The following UST variants were observed in gnomAD, a reference collection of about 807,000 sequenced individuals.
UST encodes uronyl 2-sulfotransferase, also known as chondroitin sulfate 2-O-sulfotransferase.
UST carries 21 observed loss-of-function variants against 45.6 expected under a neutral mutation model. That is an observed-to-expected ratio of 0.46 (90% CI 0.33 to 0.66). UST has a LOEUF of 0.66. Ranked by LOEUF, UST falls within the 30% of genes least tolerant of loss-of-function variation. The probability of loss-of-function intolerance (pLI) is 0.02; values close to 1 mark genes in which losing one functional copy is unlikely to be tolerated. For synonymous variants in UST, 215 were observed against 200.6 expected, an observed-to-expected ratio of 1.07 and a Z score of -0.61; for missense variants, 463 against 512.4, an observed-to-expected ratio of 0.90 and a Z score of 0.93.
intron 1 of UST, among the ~76,000 whole-genome samples, chr6:148,802,257 A>G (rs1011389500): frequency 1.3e-5 from 2 of 152,226 alleles, no homozygotes; most frequent in Non-Finnish European, 2.9e-5. Flanking sequence ...CATCATCACA[A>G]TGCTTCCCCC....
intron 1 of UST, among the ~76,000 whole-genome samples, chr6:148,787,917 A>G (rs750606921): frequency 6.6e-6 from 1 of 152,230 alleles, no homozygotes; most frequent in Non-Finnish European, 1.5e-5. Context: ...CTGTTAGATC[A>G]TTTTAAAATA....
chr6:148,942,645 G>C (rs903425692), intron 3 of UST, among the ~76,000 whole-genome samples: 2 of 152,052 alleles, frequency 1.3e-5, no homozygotes, highest in African/African-American at 2.4e-5. Context: ...CTCCAGCTTT[G>C]AAACATTCAG....
chr6:149,058,497 A>G (rs1776604968), intron 7 of UST, among the ~76,000 whole-genome samples: 2 of 152,098 alleles, frequency 1.3e-5, no homozygotes, highest in South Asian at 4.1e-4. Flanking sequence ...CCTGTCCATA[A>G]AGCAAAAGCA....
At chr6:149,070,596 TAGAG>T (rs1019586754) in intron 7 of UST, among the ~76,000 whole-genome samples, 54 of 152,260 alleles carry the variant, frequency 3.5e-4, no homozygotes, top group African/African-American at 1.3e-3. Flanking sequence ...GTTGGCCACA[TAGAG>T]AATTTATTTA....
intron 1 of UST, among the ~76,000 whole-genome samples, chr6:148,841,577 T>A (rs1777891140): frequency 7.7e-6 from 1 of 129,822 alleles, no homozygotes; most frequent in Non-Finnish European, 1.7e-5. Flanking sequence ...AGGGGGTCTG[T>A]TTTGTTTTTG....
intron 1 of UST, among the ~76,000 whole-genome samples, chr6:148,778,935 T>C (rs559106900): frequency 1.3e-5 from 2 of 152,194 alleles, no homozygotes; most frequent in East Asian, 3.9e-4. Context: ...CTCTTCCCTC[T>C]GTTTTCCATC....
chr6:149,018,278 C>T (rs1297603574), intron 5 of UST, among the ~76,000 whole-genome samples: 2 of 22,168 alleles, frequency 9.0e-5, no homozygotes, highest in Non-Finnish European at 2.0e-4. Flanking sequence ...TAGCTTCTAC[C>T]GACTCATAAT....
intron 2 of UST, among the ~76,000 whole-genome samples, chr6:148,931,209 C>T (rs1042377223): frequency 1.4e-4 from 22 of 152,194 alleles, no homozygotes; most frequent in Admixed American, 2.6e-4. Flanking sequence ...ATCAATACTT[C>T]TCCTCTATTT....
Position 148,747,637 on chromosome 6 carries a change from G to T in UST, c.207G>T (p.Gly69=), listed in dbSNP as rs1775895198. The change falls in exon 1 of 8, where the codon GGG becomes GGT. Residue 69 remains glycine, a synonymous_variant. Coordinates refer to ENST00000367463, the MANE Select transcript of UST (RefSeq NM_005715.3). The part of the protein sequence containing the change: ...CLGSLLYQLS[G]GPPRFLLDLR... ...GCTCCCTCCTCTATCAGCTCAGCGG[G>T]GGACCCCCTCGCTTCCTGCTCGACC... 6.3e-7 allele frequency: 1 copy of T among 1,599,814 alleles called. No individual in the cohort carries two copies. Among genetic ancestry groups the T allele is most frequent in the African/African-American group, 1.4e-5 (1 of 73,574 alleles).
intron 5 of UST, chr6:149,005,192 G>A (rs994188763): frequency 1.7e-6 from 1 of 585,176 alleles, no homozygotes; most frequent in Non-Finnish European, 2.2e-6. Flanking sequence ...GCTTGGGTAG[G>A]GCAGGAGGTC....
chr6:148,899,676 C>T lies in UST; in HGVS notation c.291+12647C>T, dbSNP rs560074210. 3.6e-4 allele frequency among the ~76,000 whole-genome samples: 55 copies of T among 152,360 alleles called. No individual in the cohort carries two copies. In the South Asian group the frequency reaches 0.011, roughly 31 times the overall value. On this transcript the variant is annotated intron_variant, in intron 2 of 7. Transcript: ENST00000367463. The stretch of plus-strand genomic sequence containing the variant: ...ATGTTTAATCAAAGTCGTGCATGCA[C>T]GTAACACACAGAGTTTACAGAACCA...
At chr6:148,982,090 A>G (rs2486406) in intron 5 of UST, among the ~76,000 whole-genome samples, 112,819 of 150,660 alleles carry the variant, frequency 0.75, 42,279 homozygotes, top group South Asian at 0.83. Context: ...AACTCCCTCC[A>G]TCAAGCCTTT....
chr6:148,783,331 G>A (rs1246137799), intron 1 of UST, among the ~76,000 whole-genome samples: 1 of 152,066 alleles, frequency 6.6e-6, no homozygotes, highest in South Asian at 2.1e-4. Context: ...TATTCTGGTG[G>A]TCTGGAACTG....
chr6:148,772,286 A>G (rs1776444433), intron 1 of UST, among the ~76,000 whole-genome samples: 1 of 152,324 alleles, frequency 6.6e-6, no homozygotes, highest in South Asian at 2.1e-4. Context: ...TGCCCAAGGT[A>G]TAACAAATCA....
chr6:148,870,110 A>T (rs1778520442), intron 1 of UST, among the ~76,000 whole-genome samples: 1 of 135,060 alleles, frequency 7.4e-6, no homozygotes, highest in African/African-American at 2.8e-5. Context: ...TGTTTCACAC[A>T]CACACACACA....
At chr6:149,025,097 C>T (rs1218572377) in intron 7 of UST, among the ~76,000 whole-genome samples, 1 of 152,170 alleles carries the variant, frequency 6.6e-6, no homozygotes, top group Non-Finnish European at 1.5e-5. Context: ...GTCTGTTAGT[C>T]ATATGGGTTG....
chr6:148,994,408 G>T (rs1029987201), intron 5 of UST, among the ~76,000 whole-genome samples: 2 of 152,176 alleles, frequency 1.3e-5, no homozygotes, highest in Non-Finnish European at 2.9e-5. Flanking sequence ...GGTTCTGATA[G>T]TGGAAAACTG....
intron 2 of UST, among the ~76,000 whole-genome samples, chr6:148,909,250 A>G (rs1049652514): frequency 6.6e-6 from 1 of 152,204 alleles, no homozygotes; most frequent in Non-Finnish European, 1.5e-5. Flanking sequence ...ACTGATCTTT[A>G]ATGGTAATCA....
intron 2 of UST, among the ~76,000 whole-genome samples, chr6:148,888,397 C>A (rs1009777229): frequency 1.3e-5 from 2 of 152,198 alleles, no homozygotes; most frequent in African/African-American, 4.8e-5. Context: ...CCAAACAAAT[C>A]AGCCCCAAAG....
Sources: allele counts gnomAD v4.1 joint callset (sites outside exome capture counted in the v4.1 genomes callset), GRCh38; gene constraint gnomAD v4.1.1; transcripts MANE v1.5; gene names NCBI Gene and HGNC (gene_info 2026-07-23, HGNC 2026-07-21).